Variants in ANKFY1 observed in about 807,000 individuals in gnomAD.
The protein encoded by ANKFY1 is ankyrin repeat and FYVE domain-containing protein 1.
In ANKFY1, 47 loss-of-function variants were observed where a neutral mutation model predicts 128.3. The ratio of observed to expected loss-of-function variants is 0.37; its 90% CI spans 0.29 to 0.47. The LOEUF (loss-of-function observed/expected upper bound fraction) is 0.47, where lower values mean the gene tolerates loss of function less well. ANKFY1 is among the 20% of genes least tolerant of loss of function. ANKFY1 has a pLI of 1.00. For missense variants in ANKFY1, 1,222 were observed against 1,510.6 expected, an observed-to-expected ratio of 0.81 and a Z score of 3.17; for synonymous variants, 553 against 601.6, an observed-to-expected ratio of 0.92 and a Z score of 1.18.
At chr17:4,193,997 A>G (rs1366635504) in intron 10 of ANKFY1, among the ~76,000 whole-genome samples, 1 of 150,354 alleles carries the variant, frequency 6.7e-6, no homozygotes, top group Non-Finnish European at 1.5e-5. Context: ...ACCTCAGGTG[A>G]TCCACCGGCC....
At chr17:4,224,128 C>T (rs2060377249) in intron 3 of ANKFY1, among the ~76,000 whole-genome samples, 1 of 150,710 alleles carries the variant, frequency 6.6e-6, no homozygotes, top group African/African-American at 2.4e-5. Context: ...TGTTCAGACA[C>T]AGATATTTGG....
At chr17:4,224,370 G>A (rs763633247) in intron 3 of ANKFY1, among the ~76,000 whole-genome samples, 2 of 151,788 alleles carry the variant, frequency 1.3e-5, no homozygotes, top group Admixed American at 6.6e-5. Flanking sequence ...CTACAGGTGC[G>A]CACCACCACG....
intron 10 of ANKFY1, among the ~76,000 whole-genome samples, chr17:4,192,152 G>T (rs1483003258): frequency 7.0e-6 from 1 of 141,940 alleles, no homozygotes; most frequent in African/African-American, 2.7e-5. Context: ...TTAGTTGATG[G>T]TTGCTCTAAT....
Position 4,167,645 on chromosome 17 carries a change from G to T in ANKFY1, c.*134C>A. Reference sequence around the variant, plus strand: ...TTTGAAATGGGATCTATCACACCATGGTCCTTAATCGTTCCAGTCTATTGC... The same window carrying T: ...TTTGAAATGGGATCTATCACACCATTGTCCTTAATCGTTCCAGTCTATTGC... On this transcript the variant is annotated 3_prime_UTR_variant, in exon 25 of 25. Transcript: ENST00000341657. The surrounding 1 kb of genome is among the most constrained non-coding windows in gnomAD (Gnocchi z 4.1). 2.5e-6 allele frequency: 2 copies of T among 806,378 alleles called. No homozygotes were observed. The highest frequency in any genetic ancestry group is 3.7e-6 in the Non-Finnish European group (2 of 543,840). 50.0% of individuals were successfully genotyped at this position (806,378 alleles called of 1,614,324 possible). A position where few individuals can be genotyped will look rare whatever the true frequency, so the allele number is the denominator to read the frequency against.
chr17:4,192,723 G>A (rs984033195), intron 10 of ANKFY1, among the ~76,000 whole-genome samples: 9 of 152,184 alleles, frequency 5.9e-5, no homozygotes, highest in Non-Finnish European at 1.3e-4. Context: ...GATAACCCAT[G>A]ACTGCCAAAA....
intron 7 of ANKFY1, among the ~76,000 whole-genome samples, chr17:4,198,932 G>A (rs539657098): frequency 1.3e-5 from 2 of 152,248 alleles, no homozygotes; most frequent in African/African-American, 2.4e-5. Flanking sequence ...TTGGAAGGCC[G>A]AGGTGGGAGG....
rs1161253228 is a variant in ANKFY1, at chr17:4,189,403, A to G, written c.1449T>C (p.His483=). 6 of 1,588,428 alleles carry G rather than the reference A, an allele frequency of 3.8e-6. No homozygotes were observed. Among genetic ancestry groups the G allele is most frequent in the East Asian group, 2.3e-5 (1 of 44,168 alleles). The stretch of plus-strand genomic sequence containing the variant: ...TTACCCACTTGTTTCTGTGGTTGAC[A>G]TGGGCACCGTTGGTTGCCAGGAAAA... ...AALFLATNGA[H]VNHRNKWGET... Residue 483 remains histidine (H), a synonymous_variant, in exon 11 of 25, where the codon CAT becomes CAC. Transcript: ENST00000341657.
At chr17:4,224,731 T>A (rs1159718246) in intron 3 of ANKFY1, among the ~76,000 whole-genome samples, 1 of 152,186 alleles carries the variant, frequency 6.6e-6, no homozygotes, top group Non-Finnish European at 1.5e-5. Context: ...CTGAGTTCAT[T>A]GCATCTTTAA....
At chr17:4,172,785 CACAAA>C in intron 21 of ANKFY1, 105 bp from the exon 22 acceptor site, 2 of 1,437,770 alleles carry the variant, frequency 1.4e-6, no homozygotes, top group African/African-American at 2.8e-5. Context: ...ATCTAAAAGA[CACAAA>C]ACAAGTCACA....
intron 3 of ANKFY1, chr17:4,223,883 TTG>T (rs762516138): frequency 2.5e-4 from 196 of 777,896 alleles, no homozygotes; most frequent in Non-Finnish European, 1.6e-4. Context: ...CATGGATGCT[TTG>T]TATCTAACAC....
chr17:4,206,479 C>T lies in ANKFY1; in HGVS notation c.740G>A (p.Gly247Glu), dbSNP rs779017036. 5 of 1,611,500 alleles carry T rather than the reference C, an allele frequency of 3.1e-6. No homozygotes were observed. Among genetic ancestry groups the T allele is most frequent in the Admixed American group, 1.7e-5 (1 of 59,932 alleles). Residue 247 changes from glycine (G) to glutamate (E), a missense_variant, in exon 7 of 25, where the codon GGG becomes GAG. Coordinates refer to ENST00000341657, the MANE Select transcript of ANKFY1 (RefSeq NM_001330063.2). ...YLIEMDSQLP[G>E]KLNEADHNGD... ...GTTATGATCCGCTTCATTCAGCTTC[C>T]CAGGGAGCTACACAAACAAGTTTGT...
At chr17:4,237,135 CA>C (rs59525664) in intron 2 of ANKFY1, among the ~76,000 whole-genome samples, 15 of 145,932 alleles carry the variant, frequency 1.0e-4, no homozygotes, top group Non-Finnish European at 1.4e-4. Context: ...CACTCTGTCT[CA>C]AAAAAAAAAG....
intron 2 of ANKFY1, among the ~76,000 whole-genome samples, chr17:4,238,809 GA>G (rs1292849062): frequency 6.6e-6 from 1 of 150,766 alleles, no homozygotes; most frequent in Non-Finnish European, 1.5e-5. Flanking sequence ...CCCCAGGCTG[GA>G]GTGCAGTGGC....
Position 4,177,194 on chromosome 17 carries a change from C to G in ANKFY1, c.2707G>C (p.Asp903His). The G allele has an allele frequency of 6.8e-6, 11 of 1,609,368 alleles. No homozygotes were observed. Among genetic ancestry groups the G allele is most frequent in the Non-Finnish European group, 9.3e-6 (11 of 1,177,586 alleles). The change falls in exon 19 of 25, where the codon GAT becomes CAT. Residue 903 changes from aspartate to histidine, a missense_variant. By Grantham distance (81) the Asp-to-His change is moderately conservative. Coordinates refer to ENST00000341657, the MANE Select transcript of ANKFY1 (RefSeq NM_001330063.2). Reference protein sequence around the residue: ...VHANVNSRVQDASKLTPLHLA... With the variant: ...VHANVNSRVQHASKLTPLHLA... ...TGCAGGGGGGTCAACTTGGAGGCAT[C>G]CTGGACTCTTGAATTCACATTAGCG...
chr17:4,258,540 A>T (rs939043588), intron 1 of ANKFY1, among the ~76,000 whole-genome samples: 1 of 151,376 alleles, frequency 6.6e-6, no homozygotes, highest in East Asian at 1.9e-4. Flanking sequence ...AAAAAAAAAA[A>T]GTGGAAACAG....
chr17:4,194,103 A>ATATATATTTTT (rs1555627694), intron 10 of ANKFY1, among the ~76,000 whole-genome samples: 4 of 108,184 alleles, frequency 3.7e-5, no homozygotes, highest in African/African-American at 1.5e-4. Flanking sequence ...ATATATATAT[A>ATATATATTTTT]TTTTTTTTTT....
intron 7 of ANKFY1, among the ~76,000 whole-genome samples, chr17:4,203,577 A>G (rs976393037): frequency 6.6e-6 from 1 of 152,102 alleles, no homozygotes; most frequent in Admixed American, 6.6e-5. Context: ...GCACTCTGGG[A>G]GGCTGAGGCG....
chr17:4,257,368 GC>G (rs34266003), intron 1 of ANKFY1, among the ~76,000 whole-genome samples: 28,668 of 152,106 alleles, frequency 0.19, 3,380 homozygotes, highest in Non-Finnish European at 0.26. Context: ...CGCTACCGTG[GC>G]TGATTCCTTT....
At chr17:4,219,826 T>C (rs2060279438) in intron 3 of ANKFY1, among the ~76,000 whole-genome samples, 1 of 152,172 alleles carries the variant, frequency 6.6e-6, no homozygotes, top group South Asian at 2.1e-4. Context: ...TAATAGCACC[T>C]TTTCTTTTTT....
Sources: gnomAD v4.1 joint callset for allele counts (sites outside exome capture counted in the v4.1 genomes callset) on GRCh38, gnomAD v4.1.1 for gene constraint, Gnocchi (gnomAD v3.1) non-coding constraint, MANE v1.5 for transcripts, NCBI Gene and HGNC (gene_info 2026-07-23, HGNC 2026-07-21) for gene names.